Variants in PCDHGC5 observed in about 807,000 individuals in gnomAD.
PCDHGC5 encodes the protein protocadherin gamma-C5.
Under a neutral mutation model 59.0 loss-of-function variants are expected in PCDHGC5, and 25 were observed. That is an observed-to-expected ratio of 0.42 (90% CI 0.31 to 0.59). The LOEUF (loss-of-function observed/expected upper bound fraction) is 0.59, where lower values mean the gene tolerates loss of function less well. Ranked by LOEUF, PCDHGC5 falls within the 20% of genes least tolerant of loss-of-function variation. PCDHGC5 has a pLI of 0.13. For synonymous variants in PCDHGC5, 434 were observed against 505.5 expected (o/e 0.86, Z 1.90); for missense variants, 1,067 against 1,206.4 (o/e 0.88, Z 1.71).
At position 141,490,819 on chromosome 5, in the gene PCDHGC5, C is replaced by T; in HGVS notation, c.1579C>T (p.Leu527=). The part of the protein sequence containing the change: ...FAQRTFDYEL[L]QMLQIVVGVR... Reference sequence around the variant, plus strand: ...CCAGCGTACCTTTGACTATGAATTGCTGCAGATGCTGCAGATTGTGGTGGG... The same window carrying T: ...CCAGCGTACCTTTGACTATGAATTGTTGCAGATGCTGCAGATTGTGGTGGG... The change falls in exon 1 of 4, where the codon CTG becomes TTG. Residue 527 remains leucine (L), a synonymous_variant. Transcript: ENST00000252087. This position sits in a 1 kb window ranked among gnomAD's most constrained non-coding sequence, Gnocchi z 5.4. 2 of 1,613,842 alleles carry T rather than the reference C, an allele frequency of 1.2e-6. No individual in the cohort carries two copies. Among genetic ancestry groups the T allele is most frequent in the Non-Finnish European group, 8.5e-7 (1 of 1,179,804 alleles).
rs1293684074 is a variant in PCDHGC5 at position 141,512,899 on chromosome 5, C to T, written c.*1726C>T. On this transcript the variant is annotated 3_prime_UTR_variant, in exon 4 of 4. Transcript: ENST00000252087. ...CCCACCCCACCCTCTTCCTGTGTCT[C>T]ACGCAAGTTTTATACTCTAATATTT... 1 of 152,260 alleles carries T rather than the reference C, an allele frequency of 6.6e-6. No homozygotes were observed. Among genetic ancestry groups the T allele is most frequent in the Non-Finnish European group, 1.5e-5 (1 of 68,064 alleles). 9.4% of individuals were successfully genotyped at this position (152,260 alleles called of 1,614,324 possible). A position where few individuals can be genotyped will look rare whatever the true frequency, so the allele number is the denominator to read the frequency against.
rs775132338 is a variant in PCDHGC5 at position 141,490,858 on chromosome 5, G to A, written c.1618G>A (p.Gly540Ser). Residue 540 changes from glycine to serine, a missense_variant, in exon 1 of 4, where the codon GGC (glycine) becomes AGC (serine). Physicochemically the swap from Gly to Ser is moderately conservative, Grantham distance 56 (BLOSUM62 0). Coordinates refer to ENST00000252087, the MANE Select transcript of PCDHGC5 (RefSeq NM_018929.3). This position sits in a 1 kb window ranked among gnomAD's most constrained non-coding sequence, Gnocchi z 5.4. ...LQIVVGVRDS[G>S]SPPLHANTSL... Reference sequence around the variant, plus strand: ...GATTGTGGTGGGGGTTCGAGACTCCGGCTCTCCCCCATTGCATGCCAACAC... The same window carrying A: ...GATTGTGGTGGGGGTTCGAGACTCCAGCTCTCCCCCATTGCATGCCAACAC... 14 of 1,613,704 alleles carry A rather than the reference G, an allele frequency of 8.7e-6. No homozygotes were observed. Among genetic ancestry groups the A allele is most frequent in the South Asian group, 2.2e-5 (2 of 91,068 alleles).
chr5:141,495,415 C>T (rs1385371906), intron 2 of PCDHGC5, among the ~76,000 whole-genome samples: 1 of 152,194 alleles, frequency 6.6e-6, no homozygotes, highest in Admixed American at 6.5e-5. Context: ...TTCTCCGGCC[C>T]CTCCTCCCAC....
At chr5:141,500,315 G>C (rs944076867) in intron 2 of PCDHGC5, among the ~76,000 whole-genome samples, 41 of 151,522 alleles carry the variant, frequency 2.7e-4, no homozygotes, top group African/African-American at 9.5e-4. Flanking sequence ...TTCACGCCAT[G>C]CTCCTGCCTC....
At chr5:141,495,010 G>T (rs1327870362) in intron 2 of PCDHGC5, 145 bp downstream of exon 2, 1 of 1,516,970 alleles carries the variant, frequency 6.6e-7, no homozygotes, top group Non-Finnish European at 8.9e-7. Flanking sequence ...GTGTGCGGGG[G>T]GCTGGCACAC....
intron 2 of PCDHGC5, among the ~76,000 whole-genome samples, chr5:141,499,256 A>G (rs371266271): frequency 6.6e-6 from 1 of 151,968 alleles, no homozygotes; most frequent in Non-Finnish European, 1.5e-5. Context: ...AAGAGTCTCC[A>G]TTTGGTCCCT....
intron 2 of PCDHGC5, among the ~76,000 whole-genome samples, chr5:141,504,788 TC>T (rs1235410120): frequency 6.6e-6 from 1 of 152,070 alleles, no homozygotes; most frequent in Non-Finnish European, 1.5e-5. Context: ...TCTTGGGGCC[TC>T]CTACATCTCC....
intron 3 of PCDHGC5, among the ~76,000 whole-genome samples, chr5:141,509,636 C>T (rs1199892148): frequency 6.6e-6 from 1 of 152,164 alleles, no homozygotes; most frequent in Non-Finnish European, 1.5e-5. Context: ...TGATGCTGAG[C>T]CAGGGCCAGA....
chr5:141,505,546 C>T (rs555460173), intron 3 of PCDHGC5, 65 bp downstream of exon 3: 36 of 1,608,242 alleles, frequency 2.2e-5, no homozygotes, highest in South Asian at 7.7e-5. Context: ...CATCTCACAG[C>T]CACCATGCCC....
At chr5:141,499,272 GT>G (rs772636179) in intron 2 of PCDHGC5, among the ~76,000 whole-genome samples, 3 of 152,122 alleles carry the variant, frequency 2.0e-5, no homozygotes, top group Non-Finnish European at 4.4e-5. Flanking sequence ...TCCCTAGACT[GT>G]TCTCTGATGG....
intron 2 of PCDHGC5, among the ~76,000 whole-genome samples, chr5:141,497,893 C>T (rs1194262199): frequency 6.6e-6 from 1 of 152,132 alleles, no homozygotes; most frequent in Non-Finnish European, 1.5e-5. Flanking sequence ...GGATCTAGTC[C>T]AGTAACTTCA....
chr5:141,490,910 A>G lies in PCDHGC5; in HGVS notation c.1670A>G (p.Glu557Gly). The G allele has an allele frequency of 1.2e-6, 2 of 1,613,652 alleles. No individual in the cohort carries two copies. Among genetic ancestry groups the G allele is most frequent in the African/African-American group, 1.3e-5 (1 of 75,048 alleles). ...NTSLHVFVLDENDNAPAVLHP... is the reference protein window; with the variant it reads ...NTSLHVFVLDGNDNAPAVLHP... ...TCTCTGCATGTGTTTGTCCTAGACG[A>G]GAATGATAATGCCCCAGCTGTGCTG... Residue 557 changes from glutamate (E) to glycine (G), a missense_variant, in exon 1 of 4, where the codon GAG (glutamate) becomes GGG (glycine). Physicochemically the swap from Glu to Gly is moderately conservative, Grantham distance 98. Transcript: ENST00000252087. This position sits in a 1 kb window ranked among gnomAD's most constrained non-coding sequence, Gnocchi z 5.4.
intron 2 of PCDHGC5, among the ~76,000 whole-genome samples, chr5:141,504,268 T>A (rs539485141): frequency 2.2e-4 from 34 of 152,348 alleles, no homozygotes; most frequent in Admixed American, 1.3e-3. Context: ...AGTATTTTTT[T>A]AAATTATGAA....
chr5:141,506,294 C>T (rs1165174121), intron 3 of PCDHGC5, among the ~76,000 whole-genome samples: 1 of 151,888 alleles, frequency 6.6e-6, no homozygotes, highest in African/African-American at 2.4e-5. Context: ...ACTAAAAATA[C>T]AAAAATTAGC....
chr5:141,505,558 C>A (rs945428797), intron 3 of PCDHGC5, 77 bp downstream of exon 3: 1 of 1,605,016 alleles, frequency 6.2e-7, no homozygotes, highest in African/African-American at 1.3e-5. Context: ...ACCATGCCCA[C>A]GGACTGGATG....
Position 141,490,924 on chromosome 5 carries a change from C to G in PCDHGC5, c.1684C>G (p.Pro562Ala), listed in dbSNP as rs1469202824. The G allele has an allele frequency of 1.9e-6, 3 of 1,613,562 alleles. No individual in the cohort carries two copies. The highest frequency in any genetic ancestry group is 2.5e-6 in the Non-Finnish European group (3 of 1,179,702). ...VFVLDENDNA[P>A]AVLHPRPDWE... ...TGTCCTAGACGAGAATGATAATGCC[C>G]CAGCTGTGCTGCACCCACGGCCAGA... Residue 562 changes from proline (P) to alanine (A), a missense_variant, in exon 1 of 4, where the codon CCA (proline) becomes GCA (alanine). Transcript: ENST00000252087. The surrounding 1 kb of genome is among the most constrained non-coding windows in gnomAD (Gnocchi z 5.4).
At position 141,489,083 on chromosome 5, in the gene PCDHGC5, T is replaced by G; in HGVS notation, c.-158T>G. On this transcript the variant is annotated 5_prime_UTR_variant, in exon 1 of 4. Coordinates refer to ENST00000252087, the MANE Select transcript of PCDHGC5 (RefSeq NM_018929.3). This position sits in a 1 kb window ranked among gnomAD's most constrained non-coding sequence, Gnocchi z 4.5. ...CCTCCCCCCTGCCCACCCCCGCCACTCGGTGACTAAGAACTGCTGCAAGCA... is the reference window on the plus strand; with the variant it reads ...CCTCCCCCCTGCCCACCCCCGCCACGCGGTGACTAAGAACTGCTGCAAGCA... The G allele has an allele frequency of 1.2e-5, 2 of 172,008 alleles. No individual in the cohort carries two copies. Among genetic ancestry groups the G allele is most frequent in the Non-Finnish European group, 2.1e-5 (2 of 94,012 alleles). The allele number at this position is 172,008 out of a possible 1,614,324, so 10.7% of individuals were successfully genotyped here. A position where few individuals can be genotyped will look rare whatever the true frequency, so the allele number is the denominator to read the frequency against.
At position 141,489,886 on chromosome 5, in the gene PCDHGC5, G is replaced by A; in HGVS notation, c.646G>A (p.Asp216Asn). ...ACATCAGCTGGTGCTTACTGCTGTG[G>A]ATGGGGGGACCCCAGCCCGCTCAGG... is the stretch of plus-strand genomic sequence containing the variant. Reference protein sequence around the residue: ...ARHQLVLTAVDGGTPARSGTT... With the variant: ...ARHQLVLTAVNGGTPARSGTT... Residue 216 changes from aspartate (D) to asparagine (N), a missense_variant, in exon 1 of 4, where the codon GAT (aspartate) becomes AAT (asparagine). By Grantham distance (23) the Asp-to-Asn change is conservative. Transcript: ENST00000252087. This position sits in a 1 kb window ranked among gnomAD's most constrained non-coding sequence, Gnocchi z 4.5. 6.2e-7 allele frequency: 1 copy of A among 1,614,256 alleles called. No individual in the cohort carries two copies. The highest frequency in any genetic ancestry group is 8.5e-7 in the Non-Finnish European group (1 of 1,180,044).
At chr5:141,496,076 C>A (rs2099765713) in intron 2 of PCDHGC5, among the ~76,000 whole-genome samples, 1 of 152,010 alleles carries the variant, frequency 6.6e-6, no homozygotes, top group Non-Finnish European at 1.5e-5. Context: ...GCACACACAA[C>A]CCCCCACCCA....
Sources: allele counts gnomAD v4.1 joint callset (sites outside exome capture counted in the v4.1 genomes callset), GRCh38; gene constraint gnomAD v4.1.1; non-coding constraint Gnocchi (gnomAD v3.1); transcripts MANE v1.5; gene names NCBI Gene and HGNC (gene_info 2026-07-23, HGNC 2026-07-21).